Variants in PTPRO observed in about 807,000 individuals in gnomAD.
PTPRO encodes the protein receptor-type tyrosine-protein phosphatase O.
In PTPRO, 62 loss-of-function variants were observed where a neutral mutation model predicts 145.2. The ratio of observed to expected loss-of-function variants is 0.43; its 90% CI spans 0.35 to 0.53. PTPRO has a LOEUF of 0.53. Ranked by LOEUF, PTPRO falls within the 20% of genes least tolerant of loss-of-function variation. The pLI, the probability that PTPRO is intolerant of heterozygous loss-of-function variation, is 0.01. For synonymous variants in PTPRO, 565 were observed against 514.7 expected (o/e 1.10, Z -1.32); for missense variants, 1,345 against 1,482.7 (o/e 0.91, Z 1.53).
At position 15,539,761 on chromosome 12, in the gene PTPRO, C is replaced by CAA. The variant is rs56061735; in HGVS notation, c.2165-6775_2165-6774dup. Among the ~76,000 whole-genome samples, 5 of 52,478 alleles carry CAA rather than the reference C, an allele frequency of 9.5e-5. 1 individual carries two copies. Among genetic ancestry groups the CAA allele is most frequent in the Admixed American group, 3.6e-4 (1 of 2,750 alleles). The allele number at this position is 52,478 out of a possible 152,430, so 34.4% of individuals were successfully genotyped here. Reference sequence around the variant, plus strand: ...TGGGTGACAGACTGAGACTCTGTCTCAAAAAAAAAAAAAAAAAAAAAAAAA... The same window carrying CAA: ...TGGGTGACAGACTGAGACTCTGTCTCAAAAAAAAAAAAAAAAAAAAAAAAAAA... On this transcript the variant is annotated intron_variant, in intron 12 of 26. Transcript: ENST00000281171.
chr12:15,520,425 C>T (rs1942691760), intron 10 of PTPRO, 113 bp downstream of exon 10: 1 of 749,998 alleles, frequency 1.3e-6, no homozygotes, highest in Non-Finnish European at 2.4e-6. Context: ...GGGTGAGCAT[C>T]AATTTCATGG....
chr12:15,515,738 A>G (rs1291141086), intron 8 of PTPRO, 120 bp downstream of exon 8: 41 of 1,278,506 alleles, frequency 3.2e-5, no homozygotes, highest in Non-Finnish European at 4.3e-5. Flanking sequence ...AGTTCATCCA[A>G]TATGCTACCT....
chr12:15,353,420 T>C (rs1432922037), intron 1 of PTPRO, among the ~76,000 whole-genome samples: 1 of 152,134 alleles, frequency 6.6e-6, no homozygotes, highest in African/African-American at 2.4e-5. Flanking sequence ...TGCAGTTTTT[T>C]TTTTTACATT....
intron 1 of PTPRO, among the ~76,000 whole-genome samples, chr12:15,477,581 A>G (rs1422829638): frequency 1.3e-5 from 2 of 152,172 alleles, no homozygotes; most frequent in African/African-American, 4.8e-5. Flanking sequence ...TAGTAAAGAC[A>G]GGATCCAACC....
intron 5 of PTPRO, 124 bp from the exon 6 acceptor site, chr12:15,503,784 T>C: frequency 2.9e-6 from 2 of 696,550 alleles, no homozygotes; most frequent in Non-Finnish European, 4.8e-6. Flanking sequence ...AGAGGTGTAA[T>C]TGAACTTGAC....
intron 1 of PTPRO, among the ~76,000 whole-genome samples, chr12:15,356,580 A>G (rs1369806463): frequency 1.3e-5 from 2 of 152,194 alleles, no homozygotes; most frequent in African/African-American, 4.8e-5. Flanking sequence ...TATTTGGGAC[A>G]TTGTTCTCTT....
chr12:15,574,841 C>T (rs1944144463), intron 19 of PTPRO, among the ~76,000 whole-genome samples: 1 of 152,158 alleles, frequency 6.6e-6, no homozygotes, highest in Non-Finnish European at 1.5e-5. Context: ...TCCACCCTAT[C>T]CCAAAGCAAA....
chr12:15,354,904 T>C (rs1037487515), intron 1 of PTPRO, among the ~76,000 whole-genome samples: 15 of 152,184 alleles, frequency 9.9e-5, no homozygotes, highest in African/African-American at 3.6e-4. Flanking sequence ...TTTTACCGTA[T>C]TTTATAAAAG....
At chr12:15,344,580 G>A (rs1867129652) in intron 1 of PTPRO, among the ~76,000 whole-genome samples, 1 of 152,150 alleles carries the variant, frequency 6.6e-6, no homozygotes, top group Admixed American at 6.5e-5. Context: ...TTTTATATAT[G>A]TTCTCTCAGA....
At chr12:15,557,027 A>AT (rs1188068979) in intron 15 of PTPRO, among the ~76,000 whole-genome samples, 13 of 135,874 alleles carry the variant, frequency 9.6e-5, no homozygotes, top group Admixed American at 7.8e-5. Context: ...AGCTTCTTTT[A>AT]TTTTGTTTTT....
chr12:15,336,099 G>A (rs771905804), intron 1 of PTPRO, among the ~76,000 whole-genome samples: 7 of 151,972 alleles, frequency 4.6e-5, no homozygotes, highest in South Asian at 2.1e-4. Flanking sequence ...TGTTCACAGC[G>A]GAAAATGTAT....
rs189437504 is a variant in PTPRO, at chr12:15,531,101, A to G, written c.2164+4839A>G. ...TACTATGAACAGCTATAAACCAACAAATTGGAAAACTAGAAGAAATGGATA... is the reference window on the plus strand; with the variant it reads ...TACTATGAACAGCTATAAACCAACAGATTGGAAAACTAGAAGAAATGGATA... On this transcript the variant is annotated intron_variant, in intron 12 of 26. Transcript: ENST00000281171. Among the ~76,000 whole-genome samples, 740 of 152,252 alleles carry G rather than the reference A, an allele frequency of 4.9e-3. 22 individuals are homozygous for G. The highest frequency in any genetic ancestry group is 0.043 in the Admixed American group (661 of 15,288).
intron 12 of PTPRO, among the ~76,000 whole-genome samples, chr12:15,534,397 A>G (rs1943025392): frequency 6.6e-6 from 1 of 152,218 alleles, no homozygotes; most frequent in Non-Finnish European, 1.5e-5. Context: ...ACTAATATAT[A>G]TTAAGAACCT....
In PTPRO at chr12:15,336,231, TA is replaced by T. The variant is rs201694522; in HGVS notation, c.75+13442del. ...TATCTGTGCATTTGAGTGTGTATGTTAAAAAAAAAAAAGGTATAAAACTTCC... is the reference window on the plus strand; with the variant it reads ...TATCTGTGCATTTGAGTGTGTATGTTAAAAAAAAAAAGGTATAAAACTTCC... On this transcript the variant is annotated intron_variant, in intron 1 of 26. Coordinates refer to ENST00000281171, the MANE Select transcript of PTPRO (RefSeq NM_030667.3). Among the ~76,000 whole-genome samples the T allele has an allele frequency of 3.5e-3, 509 of 145,948 alleles. 1 individual carries two copies. The highest frequency in any genetic ancestry group is 3.6e-3 in the African/African-American group (145 of 39,840).
intron 1 of PTPRO, among the ~76,000 whole-genome samples, chr12:15,364,287 G>A (rs532201019): frequency 1.3e-5 from 2 of 152,106 alleles, no homozygotes; most frequent in South Asian, 4.1e-4. Context: ...AAAGGAGAGA[G>A]GTCATTATTA....
chr12:15,439,603 G>A lies in PTPRO; in HGVS notation c.76-44371G>A, dbSNP rs544453944. ...GGGATGGGGAACCACAGTGGCTTTC[G>A]TGGAGGTTTTGGCAGTGGCATCTGG... On this transcript the variant is annotated intron_variant, in intron 1 of 26. Transcript: ENST00000281171. The A allele has an allele frequency of 2.8e-3, 790 of 285,976 alleles. 2 individuals are homozygous for A. The highest frequency in any genetic ancestry group is 4.0e-3 in the Non-Finnish European group (582 of 144,868). The allele number at this position is 285,976 out of a possible 1,614,324, so 17.7% of individuals were successfully genotyped here. A position where few individuals can be genotyped will look rare whatever the true frequency, so the allele number is the denominator to read the frequency against.
chr12:15,549,472 T>C (rs1395517947), intron 14 of PTPRO, among the ~76,000 whole-genome samples: 1 of 152,142 alleles, frequency 6.6e-6, no homozygotes, highest in Non-Finnish European at 1.5e-5. Flanking sequence ...AGCTTAGAAA[T>C]AAAATACTTA....
chr12:15,518,135 C>T (rs916195358), intron 9 of PTPRO, among the ~76,000 whole-genome samples: 4 of 152,246 alleles, frequency 2.6e-5, no homozygotes, highest in Non-Finnish European at 4.4e-5. Context: ...GTTCCCAAAC[C>T]TCAGTTCTTG....
At chr12:15,385,378 C>A (rs1374932917) in intron 1 of PTPRO, among the ~76,000 whole-genome samples, 1 of 152,030 alleles carries the variant, frequency 6.6e-6, no homozygotes, top group Non-Finnish European at 1.5e-5. Flanking sequence ...GAGTTTGATG[C>A]CAGCACAAAG....
Sources: allele counts gnomAD v4.1 joint callset (sites outside exome capture counted in the v4.1 genomes callset), GRCh38; gene constraint gnomAD v4.1.1; transcripts MANE v1.5; gene names NCBI Gene and HGNC (gene_info 2026-07-23, HGNC 2026-07-21).